EXOC4: variants seen among roughly 807,000 people sequenced by gnomAD.
EXOC4 encodes exocyst complex component 4.
A neutral mutation model predicts 107.2 loss-of-function variants in EXOC4; 71 were observed. The ratio of observed to expected loss-of-function variants is 0.66; its 90% CI spans 0.55 to 0.81. The LOEUF (loss-of-function observed/expected upper bound fraction) is 0.81. Among genes scored for constraint, EXOC4 ranks in the 30% least tolerant of loss-of-function variants. The pLI is 0.00. For missense variants in EXOC4, 1,108 were observed against 1,189.6 expected (o/e 0.93, Z 1.01); for synonymous variants, 456 against 441.2 (o/e 1.03, Z -0.42).
intron 1 of EXOC4, among the ~76,000 whole-genome samples, chr7:133,259,554 C>CCA (rs1209838281): frequency 6.6e-6 from 1 of 151,902 alleles, no homozygotes; most frequent in Non-Finnish European, 1.5e-5. Flanking sequence ...CCAGCATTAT[C>CCA]CACTATTAAT....
At chr7:133,835,529 A>T (rs149506095) in intron 11 of EXOC4, among the ~76,000 whole-genome samples, 1 of 151,944 alleles carries the variant, frequency 6.6e-6, no homozygotes, top group Non-Finnish European at 1.5e-5. Context: ...ATATGCATCT[A>T]TCTCAGTGAG....
intron 6 of EXOC4, among the ~76,000 whole-genome samples, chr7:133,362,298 T>C (rs1474379419): frequency 6.6e-6 from 1 of 152,194 alleles, no homozygotes; most frequent in East Asian, 1.9e-4. Flanking sequence ...ACCAAACGAC[T>C]TTTGAGCACA....
chr7:133,587,230 T>C (rs181570812), intron 9 of EXOC4, among the ~76,000 whole-genome samples: 1 of 152,274 alleles, frequency 6.6e-6, no homozygotes, highest in Admixed American at 6.5e-5. Flanking sequence ...GACCTTCACA[T>C]CTAGGAAGAG....
intron 10 of EXOC4, among the ~76,000 whole-genome samples, chr7:133,701,288 T>C (rs1423820404): frequency 1.3e-5 from 2 of 152,160 alleles, no homozygotes; most frequent in Non-Finnish European, 2.9e-5. Context: ...TTAATCTGAA[T>C]TGGAACTGAG....
intron 9 of EXOC4, among the ~76,000 whole-genome samples, chr7:133,496,389 G>C (rs1799477607): frequency 6.6e-6 from 1 of 152,056 alleles, no homozygotes; most frequent in South Asian, 2.1e-4. Flanking sequence ...CTGGTCTCAA[G>C]CTCCTGGCCT....
At chr7:133,351,003 G>T (rs1795897232) in intron 5 of EXOC4, among the ~76,000 whole-genome samples, 1 of 151,750 alleles carries the variant, frequency 6.6e-6, no homozygotes, top group Non-Finnish European at 1.5e-5. Context: ...AATGTAAACT[G>T]AATTATTTTT....
intron 14 of EXOC4, among the ~76,000 whole-genome samples, chr7:133,956,217 C>T (rs1800816491): frequency 6.6e-6 from 1 of 151,908 alleles, no homozygotes; most frequent in African/African-American, 2.4e-5. Context: ...TAGATGAACA[C>T]TGTGAATTGT....
rs1228664740 is a variant in EXOC4, at chr7:133,352,794, C to T, written c.764-3536C>T. Among the ~76,000 whole-genome samples, 11 of 151,640 alleles carry T rather than the reference C, an allele frequency of 7.3e-5. No homozygotes were observed. In the South Asian group the frequency reaches 8.3e-4, roughly 11 times the overall value. On this transcript the variant is annotated intron_variant, in intron 5 of 17. Coordinates refer to ENST00000253861, the MANE Select transcript of EXOC4 (RefSeq NM_021807.4). The stretch of plus-strand genomic sequence containing the variant: ...ATGTTTAAATTCCTTTCTCATTTCC[C>T]GATGGTATGCATTCTGTAGCATTTT...
At chr7:134,002,180 T>C (rs1022812513) in intron 15 of EXOC4, among the ~76,000 whole-genome samples, 1 of 152,150 alleles carries the variant, frequency 6.6e-6, no homozygotes, top group Non-Finnish European at 1.5e-5. Flanking sequence ...TCAGAATGAG[T>C]TTTTATTGGT....
chr7:133,430,742 ATTATTT>A (rs1310037240), intron 7 of EXOC4, among the ~76,000 whole-genome samples: 1 of 152,210 alleles, frequency 6.6e-6, no homozygotes, highest in Non-Finnish European at 1.5e-5. Flanking sequence ...TATTGGGCAT[ATTATTT>A]GAAATGTAAC....
In EXOC4 at chr7:133,367,780, C is replaced by T. The variant is rs181775176; in HGVS notation, c.1008-7048C>T. On this transcript the variant is annotated intron_variant, in intron 6 of 17. Transcript: ENST00000253861. ...GCCCTAAGGATGAAATGAGATAATCCAAGTAAAGTACTTAACACAGTGCTC... is the reference window on the plus strand; with the variant it reads ...GCCCTAAGGATGAAATGAGATAATCTAAGTAAAGTACTTAACACAGTGCTC... 2.0e-5 allele frequency among the ~76,000 whole-genome samples: 3 copies of T among 152,204 alleles called. No homozygotes were observed. In the East Asian group the frequency reaches 5.8e-4, roughly 29 times the overall value.
intron 2 of EXOC4, among the ~76,000 whole-genome samples, chr7:133,278,275 T>A (rs1176322724): frequency 6.6e-6 from 1 of 152,214 alleles, no homozygotes; most frequent in Non-Finnish European, 1.5e-5. Context: ...TTTTCAGGTG[T>A]AGAAGTGAAG....
At chr7:133,998,430 A>G (rs981859081) in intron 15 of EXOC4, among the ~76,000 whole-genome samples, 2 of 152,204 alleles carry the variant, frequency 1.3e-5, no homozygotes, top group African/African-American at 4.8e-5. Context: ...TGACAAAGTA[A>G]CAAGAATGAT....
At chr7:133,458,627 A>G (rs1246857409) in intron 7 of EXOC4, among the ~76,000 whole-genome samples, 1 of 152,208 alleles carries the variant, frequency 6.6e-6, no homozygotes, top group Non-Finnish European at 1.5e-5. Flanking sequence ...TTCTTGTAGC[A>G]TAGGCAGAGA....
At chr7:133,793,947 G>T (rs1225776101) in intron 10 of EXOC4, among the ~76,000 whole-genome samples, 1 of 152,172 alleles carries the variant, frequency 6.6e-6, no homozygotes, top group Non-Finnish European at 1.5e-5. Flanking sequence ...TGAACTGTGG[G>T]TCTCAAATAT....
chr7:133,917,829 C>G, intron 13 of EXOC4, 91 bp downstream of exon 13: 1 of 1,283,238 alleles, frequency 7.8e-7, no homozygotes, highest in East Asian at 2.5e-5. Flanking sequence ...TAGGCAAATT[C>G]TAAAAATCAA....
At chr7:133,943,158 G>T (rs1474988959) in intron 14 of EXOC4, among the ~76,000 whole-genome samples, 2 of 152,182 alleles carry the variant, frequency 1.3e-5, no homozygotes, top group African/African-American at 4.8e-5. Flanking sequence ...AGAAAGTTCT[G>T]TTGGCCAGTG....
chr7:133,360,976 A>G (rs946096405), intron 6 of EXOC4, among the ~76,000 whole-genome samples: 2 of 152,198 alleles, frequency 1.3e-5, no homozygotes, highest in African/African-American at 4.8e-5. Flanking sequence ...TGCCTCTAGA[A>G]TGGAAGAGAA....
intron 17 of EXOC4, among the ~76,000 whole-genome samples, chr7:134,047,208 C>G (rs192839097): frequency 1.3e-5 from 2 of 152,220 alleles, no homozygotes; most frequent in East Asian, 3.9e-4. Flanking sequence ...ATTAAACTTG[C>G]CTGAAGACCT....
Sources: gnomAD v4.1 joint callset for allele counts (sites outside exome capture counted in the v4.1 genomes callset) on GRCh38, gnomAD v4.1.1 for gene constraint, MANE v1.5 for transcripts, NCBI Gene and HGNC (gene_info 2026-07-23, HGNC 2026-07-21) for gene names.